The following CUBN variants were observed in gnomAD, a reference collection of about 807,000 sequenced individuals.
CUBN encodes cubilin.
A neutral mutation model predicts 405.3 loss-of-function variants in CUBN; 282 were observed. The observed-to-expected ratio is 0.70, with a 90% CI of 0.63 to 0.77. The LOEUF is 0.77. Ranked by LOEUF, CUBN falls within the 30% of genes least tolerant of loss-of-function variation. The pLI is 0.00. For missense variants in CUBN, 4,514 were observed against 4,475.2 expected, an observed-to-expected ratio of 1.01 and a Z score of -0.25; for synonymous variants, 1,684 against 1,617.0, an observed-to-expected ratio of 1.04 and a Z score of -0.99.
chr10:16,943,682 G>A (rs569924993), intron 36 of CUBN, among the ~76,000 whole-genome samples: 188 of 152,166 alleles, frequency 1.2e-3, no homozygotes, highest in African/African-American at 4.5e-3. Flanking sequence ...CAGCAACATC[G>A]GCATCACCGG....
chr10:17,017,684 G>C (rs1834370087), intron 28 of CUBN, among the ~76,000 whole-genome samples: 1 of 152,122 alleles, frequency 6.6e-6, no homozygotes, highest in Admixed American at 6.5e-5. Context: ...CCCTACAATG[G>C]GGCTTTGGGC....
intron 59 of CUBN, among the ~76,000 whole-genome samples, chr10:16,866,300 G>C (rs1034751383): frequency 6.6e-6 from 1 of 152,156 alleles, no homozygotes; most frequent in Non-Finnish European, 1.5e-5. Context: ...ATTGTGAATA[G>C]GCCAAGCAAC....
chr10:17,110,016 G>A (rs1836733752), intron 9 of CUBN, among the ~76,000 whole-genome samples: 1 of 152,110 alleles, frequency 6.6e-6, no homozygotes, highest in Admixed American at 6.6e-5. Context: ...CACTAAGAAA[G>A]TTAATATTTT....
At chr10:16,939,255 C>T (rs144535394) in intron 37 of CUBN, 108 bp from the exon 38 acceptor site, 2 of 875,892 alleles carry the variant, frequency 2.3e-6, no homozygotes, top group Non-Finnish European at 3.8e-6. Context: ...TTTTAATTGA[C>T]TGTGATTTCT....
chr10:16,835,264 A>G, intron 63 of CUBN, 69 bp from the exon 64 acceptor site: 1 of 1,288,156 alleles, frequency 7.8e-7, no homozygotes, highest in Non-Finnish European at 1.1e-6. Flanking sequence ...CTTCACAGGA[A>G]TCATTCAAAA....
intron 48 of CUBN, among the ~76,000 whole-genome samples, chr10:16,909,547 A>G (rs973049776): frequency 2.0e-5 from 3 of 152,222 alleles, no homozygotes; most frequent in Non-Finnish European, 4.4e-5. Context: ...TGGGCACCAC[A>G]TTGATGGAAT....
At chr10:16,884,386 AT>A (rs1840751747) in intron 56 of CUBN, among the ~76,000 whole-genome samples, 1 of 95,982 alleles carries the variant, frequency 1.0e-5, no homozygotes, top group Non-Finnish European at 2.4e-5. Flanking sequence ...AACTGGATCT[AT>A]AATTTTTTTT....
intron 59 of CUBN, among the ~76,000 whole-genome samples, chr10:16,857,651 A>G (rs972150738): frequency 6.6e-6 from 1 of 152,220 alleles, no homozygotes; most frequent in Non-Finnish European, 1.5e-5. Context: ...ACTCTTGGCA[A>G]ACTAGGAATA....
At chr10:16,869,556 G>T (rs1423277978) in intron 59 of CUBN, 80 bp downstream of exon 59, 13 of 997,208 alleles carry the variant, frequency 1.3e-5, no homozygotes, top group African/African-American at 1.1e-4. Flanking sequence ...TCAGGTGGGG[G>T]TGGGGGGGGG....
chr10:16,920,876 G>C (rs1174752391), intron 43 of CUBN, among the ~76,000 whole-genome samples: 1 of 152,094 alleles, frequency 6.6e-6, no homozygotes, highest in African/African-American at 2.4e-5. Flanking sequence ...TAGAACATTT[G>C]TGTCCACTGT....
chr10:17,127,053 G>T (rs1178099864), intron 3 of CUBN, among the ~76,000 whole-genome samples: 4 of 151,720 alleles, frequency 2.6e-5, no homozygotes, highest in Non-Finnish European at 1.5e-5. Context: ...TTGACCGATT[G>T]CTTCTCTGTA....
chr10:16,933,630 GTTTC>G (rs1411960071), intron 39 of CUBN, among the ~76,000 whole-genome samples: 2 of 151,988 alleles, frequency 1.3e-5, no homozygotes, highest in South Asian at 2.1e-4. Context: ...TGTTTCTCAT[GTTTC>G]TTTATCATTT....
At chr10:17,002,407 C>A (rs1235711648) in intron 28 of CUBN, among the ~76,000 whole-genome samples, 1 of 152,082 alleles carries the variant, frequency 6.6e-6, no homozygotes, top group Non-Finnish European at 1.5e-5. Context: ...ACTGTTATTA[C>A]AAATTGTGCA....
At chr10:16,940,716 A>G (rs1300612109) in intron 36 of CUBN, among the ~76,000 whole-genome samples, 1 of 152,220 alleles carries the variant, frequency 6.6e-6, no homozygotes, top group African/African-American at 2.4e-5. Flanking sequence ...GGCGGGACAT[A>G]TTCAGAAAAC....
chr10:17,118,017 A>G (rs1836946232), intron 6 of CUBN, among the ~76,000 whole-genome samples: 1 of 152,262 alleles, frequency 6.6e-6, no homozygotes, highest in Admixed American at 6.5e-5. Context: ...GCAAAATGAC[A>G]TAAGATTTGA....
intron 36 of CUBN, among the ~76,000 whole-genome samples, chr10:16,944,734 T>C (rs561615303): frequency 6.6e-6 from 1 of 152,366 alleles, no homozygotes; most frequent in Admixed American, 6.5e-5. Context: ...CATTACGATG[T>C]TCTATATGGT....
intron 40 of CUBN, among the ~76,000 whole-genome samples, chr10:16,930,126 G>A (rs1842320630): frequency 6.6e-6 from 1 of 152,132 alleles, no homozygotes; most frequent in African/African-American, 2.4e-5. Context: ...CTTTAAAGAG[G>A]AGGGGAAGTC....
intron 60 of CUBN, among the ~76,000 whole-genome samples, chr10:16,846,548 A>G (rs1210778702): frequency 7.2e-5 from 11 of 152,182 alleles, no homozygotes; most frequent in Non-Finnish European, 1.3e-4. Flanking sequence ...AGGGGCAGTG[A>G]CACCTGTAAT....
At chr10:17,041,696 A>G (rs936920087) in intron 26 of CUBN, among the ~76,000 whole-genome samples, 1 of 152,154 alleles carries the variant, frequency 6.6e-6, no homozygotes, top group Non-Finnish European at 1.5e-5. Flanking sequence ...TCCTATGGGA[A>G]TGCTAAAAAC....
Sources: gnomAD v4.1 joint callset for allele counts (sites outside exome capture counted in the v4.1 genomes callset) on GRCh38, gnomAD v4.1.1 for gene constraint, MANE v1.5 for transcripts, NCBI Gene and HGNC (gene_info 2026-07-23, HGNC 2026-07-21) for gene names.